Variants in TENM4 observed in about 807,000 individuals in gnomAD.
TENM4 encodes teneurin-4.
In TENM4, 82 loss-of-function variants were observed where a neutral mutation model predicts 243.3. The observed-to-expected ratio is 0.34, with a 90% CI of 0.28 to 0.40. The LOEUF is 0.40. Among genes scored for constraint, TENM4 ranks in the 10% least tolerant of loss-of-function variants. TENM4 has a pLI of 1.00. For synonymous variants in TENM4, 1,412 were observed against 1,456.3 expected (o/e 0.97, Z 0.69); for missense variants, 3,138 against 3,673.3 (o/e 0.85, Z 3.77).
At chr11:79,340,471 T>A (rs1260296017) in intron 1 of TENM4, among the ~76,000 whole-genome samples, 2 of 152,148 alleles carry the variant, frequency 1.3e-5, no homozygotes, top group Non-Finnish European at 2.9e-5. Context: ...CTCTTGAGGC[T>A]GGCTGGACTG....
At chr11:78,997,493 T>C (rs1334285324) in intron 6 of TENM4, among the ~76,000 whole-genome samples, 1 of 152,198 alleles carries the variant, frequency 6.6e-6, no homozygotes, top group Non-Finnish European at 1.5e-5. Flanking sequence ...ATACGTGCCA[T>C]AGTTATAATT....
chr11:78,756,727 A>AT (rs372563041), intron 19 of TENM4, 78 bp downstream of exon 19: 40 of 1,390,324 alleles, frequency 2.9e-5, no homozygotes, highest in Middle Eastern at 4.5e-4. Context: ...TCCCACCCCC[A>AT]TTCATCCAAA....
chr11:78,999,127 T>A (rs933971699), intron 6 of TENM4, among the ~76,000 whole-genome samples: 1 of 151,990 alleles, frequency 6.6e-6, no homozygotes, highest in East Asian at 1.9e-4. Flanking sequence ...AGCTGAAAAG[T>A]GACAAGAAAA....
chr11:79,125,893 G>A (rs1861865565), intron 4 of TENM4, among the ~76,000 whole-genome samples: 1 of 152,146 alleles, frequency 6.6e-6, no homozygotes, highest in Non-Finnish European at 1.5e-5. Context: ...TGACCCATGA[G>A]GAAGTGCGCT....
chr11:78,786,693 T>C lies in TENM4; in HGVS notation c.2365+205A>G, dbSNP rs151321383. Among the ~76,000 whole-genome samples, 469 of 152,338 alleles carry C rather than the reference T, an allele frequency of 3.1e-3. 1 individual carries two copies. Among genetic ancestry groups the C allele is most frequent in the African/African-American group, 0.011 (443 of 41,570 alleles). On this transcript the variant is annotated intron_variant, in intron 16 of 33. Coordinates refer to ENST00000278550, the MANE Select transcript of TENM4 (RefSeq NM_001098816.3). ...TAACCAGGACATGGGAAATGGAAATTGGGAGTAATAAGGTTGAAAATACCA... is the reference window on the plus strand; with the variant it reads ...TAACCAGGACATGGGAAATGGAAATCGGGAGTAATAAGGTTGAAAATACCA...
intron 20 of TENM4, among the ~76,000 whole-genome samples, chr11:78,738,148 T>C (rs566337401): frequency 1.3e-5 from 2 of 152,210 alleles, no homozygotes; most frequent in Middle Eastern, 3.2e-3. Context: ...CTGTCTGTTC[T>C]GCAGAAAGTG....
chr11:79,403,221 C>T (rs543761875), intron 1 of TENM4, among the ~76,000 whole-genome samples: 3 of 152,362 alleles, frequency 2.0e-5, no homozygotes, highest in African/African-American at 7.2e-5. Context: ...ACCAACGATT[C>T]TCCCATGCAC....
chr11:79,299,637 C>T (rs1320997249), intron 1 of TENM4, among the ~76,000 whole-genome samples: 3 of 152,202 alleles, frequency 2.0e-5, no homozygotes, highest in Admixed American at 2.0e-4. Context: ...GTGATTCTTT[C>T]TTCAACGATC....
At chr11:79,249,977 C>T (rs113663618) in intron 2 of TENM4, among the ~76,000 whole-genome samples, 53 of 152,200 alleles carry the variant, frequency 3.5e-4, no homozygotes, top group African/African-American at 1.2e-3. Flanking sequence ...CCTATTTGTG[C>T]CCTGCACTAA....
At chr11:79,240,288 T>C (rs1189553128) in intron 2 of TENM4, among the ~76,000 whole-genome samples, 2 of 152,182 alleles carry the variant, frequency 1.3e-5, no homozygotes, top group Non-Finnish European at 2.9e-5. Context: ...AGCACTTCCA[T>C]GACATGGACT....
chr11:78,855,232 A>G (rs116226655), intron 11 of TENM4, among the ~76,000 whole-genome samples: 2,001 of 152,286 alleles, frequency 0.013, 56 homozygotes, highest in African/African-American at 0.046. Flanking sequence ...TAAAAATCTT[A>G]AATAACTACT....
intron 18 of TENM4, among the ~76,000 whole-genome samples, chr11:78,758,348 C>A (rs1349265205): frequency 6.6e-6 from 1 of 152,196 alleles, no homozygotes; most frequent in African/African-American, 2.4e-5. Context: ...GGGGTTGTGA[C>A]AAATGCCAGT....
intron 6 of TENM4, among the ~76,000 whole-genome samples, chr11:78,904,698 T>C (rs1376072760): frequency 1.3e-5 from 2 of 152,230 alleles, no homozygotes; most frequent in Non-Finnish European, 2.9e-5. Flanking sequence ...ATACTTTATT[T>C]ATTCCCTTTA....
rs781747463 is a variant in TENM4 at position 79,076,076 on chromosome 11, GAGA to G, written c.-65-6070_-65-6068del. The stretch of plus-strand genomic sequence containing the variant: ...GGGTCTTGGTTTTGGTGTGTCTGTG[GAGA>G]AGGAGAGTAGGCCCAGAGGAGAGGA... On this transcript the variant is annotated intron_variant, in intron 4 of 33. Transcript: ENST00000278550. 2.6e-5 allele frequency among the ~76,000 whole-genome samples: 4 copies of G among 152,314 alleles called. No homozygotes were observed. In the East Asian group the frequency reaches 7.7e-4, roughly 29 times the overall value.
intron 1 of TENM4, among the ~76,000 whole-genome samples, chr11:79,355,733 G>A (rs1211624652): frequency 6.6e-6 from 1 of 152,114 alleles, no homozygotes; most frequent in East Asian, 1.9e-4. Flanking sequence ...ACATGTCACA[G>A]CCTCCCATTT....
At chr11:79,401,908 C>T (rs1048640980) in intron 1 of TENM4, 2 of 236,294 alleles carry the variant, frequency 8.5e-6, no homozygotes, top group South Asian at 6.7e-5. Context: ...GGGTGTGGCA[C>T]TCAGGAGACA....
At chr11:78,918,042 G>A (rs902209526) in intron 6 of TENM4, among the ~76,000 whole-genome samples, 1 of 152,180 alleles carries the variant, frequency 6.6e-6, no homozygotes, top group Non-Finnish European at 1.5e-5. Context: ...GAGAGAATGT[G>A]TTCATGCTCC....
intron 3 of TENM4, among the ~76,000 whole-genome samples, chr11:79,160,398 G>T (rs912003027): frequency 6.6e-6 from 1 of 152,170 alleles, no homozygotes; most frequent in African/African-American, 2.4e-5. Context: ...AGTGCCTGGG[G>T]GTTCAGATTC....
chr11:79,437,299 C>G (rs927988037), intron 1 of TENM4, among the ~76,000 whole-genome samples: 1 of 152,244 alleles, frequency 6.6e-6, no homozygotes, highest in Non-Finnish European at 1.5e-5. Flanking sequence ...CTGTCACCAC[C>G]AGTGAAAACA....
Sources: gnomAD v4.1 joint callset for allele counts (sites outside exome capture counted in the v4.1 genomes callset) on GRCh38, gnomAD v4.1.1 for gene constraint, MANE v1.5 for transcripts, NCBI Gene and HGNC (gene_info 2026-07-23, HGNC 2026-07-21) for gene names.